Variants in CNTNAP2 observed in about 807,000 individuals in gnomAD.
CNTNAP2 encodes contactin associated protein 2.
In CNTNAP2, 98 loss-of-function variants were observed where a neutral mutation model predicts 155.2. The ratio of observed to expected loss-of-function variants is 0.63; its 90% CI spans 0.54 to 0.75. The LOEUF is 0.75. Among genes scored for constraint, CNTNAP2 ranks in the 30% least tolerant of loss-of-function variants. The pLI, the probability that CNTNAP2 is intolerant of heterozygous loss-of-function variation, is 0.00. For synonymous variants in CNTNAP2, 651 were observed against 631.2 expected, an observed-to-expected ratio of 1.03 and a Z score of -0.47; for missense variants, 1,727 against 1,688.1, an observed-to-expected ratio of 1.02 and a Z score of -0.40.
chr7:146,397,851 G>A (rs1034929631), intron 1 of CNTNAP2, among the ~76,000 whole-genome samples: 2 of 149,112 alleles, frequency 1.3e-5, no homozygotes, highest in African/African-American at 5.1e-5. Flanking sequence ...TATTAATTTT[G>A]TATACCAAAA....
intron 1 of CNTNAP2, among the ~76,000 whole-genome samples, chr7:146,725,146 G>T (rs1801409428): frequency 1.3e-5 from 2 of 150,726 alleles, no homozygotes; most frequent in Admixed American, 1.3e-4. Context: ...TCACATGGTG[G>T]TCTCCTCATT....
At chr7:146,959,969 A>G (rs1037041929) in intron 3 of CNTNAP2, among the ~76,000 whole-genome samples, 4 of 152,068 alleles carry the variant, frequency 2.6e-5, no homozygotes, top group South Asian at 4.1e-4. Context: ...GGGCTTTAAA[A>G]CTTGGCTGTC....
intron 1 of CNTNAP2, among the ~76,000 whole-genome samples, chr7:146,686,632 T>C (rs1800606271): frequency 6.6e-6 from 1 of 152,210 alleles, no homozygotes; most frequent in Admixed American, 6.5e-5. Context: ...GTTCTAATTT[T>C]CCTTCATTGT....
At chr7:147,693,646 A>G (rs1796120923) in intron 13 of CNTNAP2, among the ~76,000 whole-genome samples, 1 of 151,878 alleles carries the variant, frequency 6.6e-6, no homozygotes, top group Non-Finnish European at 1.5e-5. Context: ...TATTGCTGGT[A>G]TATGGTAAAG....
At chr7:147,485,541 G>A (rs766733835) in intron 10 of CNTNAP2, among the ~76,000 whole-genome samples, 9 of 152,100 alleles carry the variant, frequency 5.9e-5, no homozygotes, top group East Asian at 3.9e-4. Flanking sequence ...CCCTCTTTAC[G>A]TCAGTTTTTG....
At chr7:146,244,911 T>G (rs1799620817) in intron 1 of CNTNAP2, among the ~76,000 whole-genome samples, 1 of 150,682 alleles carries the variant, frequency 6.6e-6, no homozygotes, top group Admixed American at 6.6e-5. Flanking sequence ...CAGTCCTGGG[T>G]GGGGGCAAAT....
intron 22 of CNTNAP2, among the ~76,000 whole-genome samples, chr7:148,387,702 A>ATC (rs1275643466): frequency 2.6e-5 from 4 of 152,202 alleles, no homozygotes; most frequent in South Asian, 2.1e-4. Context: ...GTGCTTCTCA[A>ATC]TCTGGGAAGC....
At chr7:146,302,966 T>C (rs920924846) in intron 1 of CNTNAP2, among the ~76,000 whole-genome samples, 1 of 152,154 alleles carries the variant, frequency 6.6e-6, no homozygotes, top group African/African-American at 2.4e-5. Context: ...ACACAGCTTT[T>C]GGCTGGTAGA....
intron 1 of CNTNAP2, among the ~76,000 whole-genome samples, chr7:146,326,345 C>T (rs184124192): frequency 4.2e-4 from 64 of 152,210 alleles, no homozygotes; most frequent in South Asian, 1.2e-3. Flanking sequence ...GTCTTCAAAA[C>T]GAATTAATGC....
intron 21 of CNTNAP2, among the ~76,000 whole-genome samples, chr7:148,360,929 C>T (rs1190643400): frequency 2.0e-5 from 3 of 152,008 alleles, no homozygotes; most frequent in African/African-American, 4.8e-5. Flanking sequence ...CTGCCTCAGC[C>T]TCCCAGGTAG....
chr7:146,216,256 G>A (rs1335091340), intron 1 of CNTNAP2, among the ~76,000 whole-genome samples: 3 of 152,262 alleles, frequency 2.0e-5, no homozygotes, highest in Middle Eastern at 3.4e-3. Flanking sequence ...GTTAGGCAGT[G>A]GTTGATGAGG....
chr7:147,609,310 C>T (rs1300023051), intron 12 of CNTNAP2, among the ~76,000 whole-genome samples: 1 of 152,012 alleles, frequency 6.6e-6, no homozygotes, highest in Non-Finnish European at 1.5e-5. Flanking sequence ...GGTGGGCGGA[C>T]CACGAGGTCA....
chr7:147,370,370 G>A (rs564964895), intron 9 of CNTNAP2, among the ~76,000 whole-genome samples: 1 of 152,240 alleles, frequency 6.6e-6, no homozygotes, highest in East Asian at 1.9e-4. Context: ...TTGTCTCTCT[G>A]AGCACCCTTT....
chr7:147,715,181 G>A (rs1227585465), intron 13 of CNTNAP2, among the ~76,000 whole-genome samples: 1 of 151,942 alleles, frequency 6.6e-6, no homozygotes, highest in Non-Finnish European at 1.5e-5. Flanking sequence ...CCTTTATCTA[G>A]GACAAATGTC....
intron 15 of CNTNAP2, among the ~76,000 whole-genome samples, chr7:148,106,342 T>C (rs1252583262): frequency 1.3e-5 from 2 of 151,686 alleles, no homozygotes; most frequent in Non-Finnish European, 2.9e-5. Context: ...TAACATATGA[T>C]TAGTACTTGA....
In CNTNAP2 at chr7:146,657,086, G is replaced by A. The variant is rs200444077; in HGVS notation, c.98-117185G>A. On this transcript the variant is annotated intron_variant, in intron 1 of 23. Transcript: ENST00000361727. ...TCTCTCTCTCTCTGTAGCTCTCTCT[G>A]TGTGTGTGAATACATGTATACTTGC... Among the ~76,000 whole-genome samples the A allele has an allele frequency of 8.5e-5, 13 of 152,152 alleles. No individual in the cohort carries two copies. In the East Asian group the frequency reaches 2.5e-3, roughly 29 times the overall value.
intron 1 of CNTNAP2, among the ~76,000 whole-genome samples, chr7:146,578,494 A>C (rs1251685185): frequency 6.6e-6 from 1 of 152,182 alleles, no homozygotes; most frequent in Admixed American, 6.5e-5. Context: ...CAAATGAGGT[A>C]GTTAATTGTT....
intron 15 of CNTNAP2, among the ~76,000 whole-genome samples, chr7:148,007,585 C>T (rs529941152): frequency 1.7e-3 from 264 of 152,212 alleles, no homozygotes; most frequent in African/African-American, 6.0e-3. Flanking sequence ...GATTCCCAAA[C>T]GTAGACTAAG....
At chr7:146,904,080 T>C (rs1226459107) in intron 3 of CNTNAP2, among the ~76,000 whole-genome samples, 1 of 152,198 alleles carries the variant, frequency 6.6e-6, no homozygotes, top group South Asian at 2.1e-4. Flanking sequence ...TTGCTTTCCA[T>C]GTTACTTATT....
Sources: gnomAD v4.1 joint callset for allele counts (sites outside exome capture counted in the v4.1 genomes callset) on GRCh38, gnomAD v4.1.1 for gene constraint, MANE v1.5 for transcripts, NCBI Gene and HGNC (gene_info 2026-07-23, HGNC 2026-07-21) for gene names.